The following GALNT7 variants were observed in gnomAD, a reference collection of about 807,000 sequenced individuals.
GALNT7 encodes the protein polypeptide N-acetylgalactosaminyltransferase 7.
A neutral mutation model predicts 82.1 loss-of-function variants in GALNT7; 60 were observed. That is an observed-to-expected ratio of 0.73 (90% confidence interval 0.59 to 0.91). The LOEUF (loss-of-function observed/expected upper bound fraction) is 0.91. Among genes scored for constraint, GALNT7 ranks in the 40% least tolerant of loss-of-function variants. The pLI is 0.00. For synonymous variants in GALNT7, 243 were observed against 275.1 expected (o/e 0.88, Z 1.15); for missense variants, 660 against 804.2 (o/e 0.82, Z 2.17).
chr4:173,294,738 C>T (rs1333523557), intron 3 of GALNT7, among the ~76,000 whole-genome samples: 1 of 152,074 alleles, frequency 6.6e-6, no homozygotes, highest in Non-Finnish European at 1.5e-5. Context: ...GTTTTTATAA[C>T]ACAAAACTTC....
chr4:173,281,058 G>C (rs1015723512), intron 2 of GALNT7, among the ~76,000 whole-genome samples: 2 of 152,114 alleles, frequency 1.3e-5, no homozygotes, highest in African/African-American at 2.4e-5. Context: ...CTCCCTCTCT[G>C]GGCTGTTTCT....
At chr4:173,222,816 T>C (rs545773906) in intron 1 of GALNT7, among the ~76,000 whole-genome samples, 1 of 152,224 alleles carries the variant, frequency 6.6e-6, no homozygotes, top group East Asian at 1.9e-4. Flanking sequence ...CTCAATTCTT[T>C]CTACCATTGA....
chr4:173,306,516 C>T (rs1737161630), intron 8 of GALNT7, among the ~76,000 whole-genome samples: 1 of 152,014 alleles, frequency 6.6e-6, no homozygotes. Context: ...TCATGTATGG[C>T]CTTTATTGTG....
chr4:173,184,525 T>G (rs1263050117), intron 1 of GALNT7, among the ~76,000 whole-genome samples: 1 of 148,782 alleles, frequency 6.7e-6, no homozygotes, highest in East Asian at 2.0e-4. Flanking sequence ...GCAGGGAGAT[T>G]GCAGTGGGTC....
chr4:173,246,848 A>T (rs1167473125), intron 1 of GALNT7, among the ~76,000 whole-genome samples: 1 of 152,098 alleles, frequency 6.6e-6, no homozygotes, highest in Non-Finnish European at 1.5e-5. Context: ...TCTGTTGGGG[A>T]ATCACACAGT....
At chr4:173,268,733 G>A (rs1735606770) in intron 2 of GALNT7, among the ~76,000 whole-genome samples, 1 of 150,738 alleles carries the variant, frequency 6.6e-6, no homozygotes, top group African/African-American at 2.4e-5. Context: ...TAGAGATGGG[G>A]TTTCACCGTG....
chr4:173,300,128 C>G (rs930308626), intron 6 of GALNT7, among the ~76,000 whole-genome samples: 1 of 152,262 alleles, frequency 6.6e-6, no homozygotes, highest in South Asian at 2.1e-4. Context: ...TATGTTTCCT[C>G]ATTGAATTTA....
In GALNT7 at chr4:173,196,325, A is replaced by G. The variant is rs370736607; in HGVS notation, c.126+27364A>G. ...TTTTTAATAGAGACGGGGTTTCGCT[A>G]TGTTGGCCAGGCTGGTCTCAAACTC... On this transcript the variant is annotated intron_variant, in intron 1 of 11. Coordinates refer to ENST00000265000, the MANE Select transcript of GALNT7 (RefSeq NM_017423.3). Among the ~76,000 whole-genome samples, 145 of 151,984 alleles carry G rather than the reference A, an allele frequency of 9.5e-4. 1 individual carries two copies. Among genetic ancestry groups the G allele is most frequent in the African/African-American group, 3.0e-3 (124 of 41,462 alleles).
At chr4:173,220,448 T>G (rs989654027) in intron 1 of GALNT7, among the ~76,000 whole-genome samples, 1 of 152,224 alleles carries the variant, frequency 6.6e-6, no homozygotes, top group Non-Finnish European at 1.5e-5. Flanking sequence ...TTTGTTCTTT[T>G]GCTTAGTCTT....
chr4:173,177,334 G>C (rs1156300147), intron 1 of GALNT7, among the ~76,000 whole-genome samples: 1 of 152,120 alleles, frequency 6.6e-6, no homozygotes, highest in African/African-American at 2.4e-5. Context: ...GTTTGGTTTG[G>C]CATATAGTAT....
At chr4:173,171,236 A>G (rs1177536408) in intron 1 of GALNT7, among the ~76,000 whole-genome samples, 2 of 152,246 alleles carry the variant, frequency 1.3e-5, no homozygotes, top group East Asian at 1.9e-4. Flanking sequence ...TTTAAGGTAC[A>G]GTGCTAGAAG....
chr4:173,174,158 C>T (rs917238544), intron 1 of GALNT7, among the ~76,000 whole-genome samples: 1 of 152,080 alleles, frequency 6.6e-6, no homozygotes, highest in African/African-American at 2.4e-5. Context: ...TCCCCCTTCT[C>T]CCCCCACACA....
chr4:173,198,287 C>T (rs932402398), intron 1 of GALNT7, among the ~76,000 whole-genome samples: 3 of 147,442 alleles, frequency 2.0e-5, no homozygotes. Context: ...CCAGGATAGT[C>T]TCGATCTCCT....
Position 173,267,393 on chromosome 4 carries a change from G to A in GALNT7, c.587+18953G>A, listed in dbSNP as rs758163826. Among the ~76,000 whole-genome samples, 5 of 152,282 alleles carry A rather than the reference G, an allele frequency of 3.3e-5. No individual in the cohort carries two copies. The South Asian group carries it at 1.0e-3, about 32-fold the overall frequency. On this transcript the variant is annotated intron_variant, in intron 2 of 11. Coordinates refer to ENST00000265000, the MANE Select transcript of GALNT7 (RefSeq NM_017423.3). ...GAAAGAGCATTCCATTAAAATGCCT[G>A]TCAAACTGAAGGATGGCAAATTTCT...
At chr4:173,319,881 G>T (rs1299971963) in intron 11 of GALNT7, among the ~76,000 whole-genome samples, 10 of 152,140 alleles carry the variant, frequency 6.6e-5, no homozygotes, top group Non-Finnish European at 1.5e-5. Context: ...TACTGCTGAG[G>T]AGTTTCATAG....
At chr4:173,234,714 G>A (rs1329351860) in intron 1 of GALNT7, among the ~76,000 whole-genome samples, 1 of 152,168 alleles carries the variant, frequency 6.6e-6, no homozygotes, top group Non-Finnish European at 1.5e-5. Context: ...GGGTCATGGA[G>A]GCAGATCCCT....
intron 2 of GALNT7, among the ~76,000 whole-genome samples, chr4:173,269,727 C>T (rs1348161435): frequency 6.6e-6 from 1 of 152,134 alleles, no homozygotes; most frequent in Non-Finnish European, 1.5e-5. Flanking sequence ...ATCTTCCCTC[C>T]TCCTCCTCCT....
chr4:173,266,473 G>A (rs1377972587), intron 2 of GALNT7, among the ~76,000 whole-genome samples: 2 of 152,188 alleles, frequency 1.3e-5, no homozygotes, highest in African/African-American at 2.4e-5. Flanking sequence ...GAGCACGAAA[G>A]TGTGTTGATC....
rs76996769 is a variant in GALNT7 at position 173,176,188 on chromosome 4, A to G, written c.126+7227A>G. Among the ~76,000 whole-genome samples, 620 of 152,354 alleles carry G rather than the reference A, an allele frequency of 4.1e-3. 2 individuals carry two copies. The highest frequency in any genetic ancestry group is 0.013 in the African/African-American group (546 of 41,584). On this transcript the variant is annotated intron_variant, in intron 1 of 11. Coordinates refer to ENST00000265000, the MANE Select transcript of GALNT7 (RefSeq NM_017423.3). ...CTTCAGGAGTAAGTGTAAGACTATC[A>G]TGCAAATCTGGCGGAAAAGCATTCC...
Sources: allele counts gnomAD v4.1 joint callset (sites outside exome capture counted in the v4.1 genomes callset), GRCh38; gene constraint gnomAD v4.1.1; transcripts MANE v1.5; gene names NCBI Gene and HGNC (gene_info 2026-07-23, HGNC 2026-07-21).